The following DDX10 variants were observed in gnomAD, a reference collection of about 807,000 sequenced individuals.
The protein encoded by DDX10 is DEAD-box helicase 10.
In DDX10, 74 loss-of-function variants were observed where a neutral mutation model predicts 104.3. The ratio of observed to expected loss-of-function variants is 0.71; its 90% confidence interval spans 0.59 to 0.86. DDX10 has a LOEUF of 0.86. Ranked by LOEUF, DDX10 falls within the 40% of genes least tolerant of loss-of-function variation. The probability of loss-of-function intolerance (pLI) is 0.00; values close to 1 mark genes in which losing one functional copy is unlikely to be tolerated. For missense variants in DDX10, 952 were observed against 1,040.0 expected (o/e 0.92, Z 1.16); for synonymous variants, 351 against 353.4 (o/e 0.99, Z 0.08).
At chr11:108,820,700 G>T (rs1862315410) in intron 13 of DDX10, among the ~76,000 whole-genome samples, 1 of 152,160 alleles carries the variant, frequency 6.6e-6, no homozygotes, top group South Asian at 2.1e-4. Context: ...GTCAGAAGTT[G>T]AGCATGGTTT....
intron 13 of DDX10, among the ~76,000 whole-genome samples, chr11:108,750,949 T>A (rs1297440797): frequency 1.6e-5 from 2 of 125,414 alleles, no homozygotes; most frequent in Admixed American, 8.0e-5. Context: ...TTTTTTTTTT[T>A]TTTTTTTTTT....
Position 108,904,948 on chromosome 11 carries a change from A to G in DDX10, c.2305-12925A>G, listed in dbSNP as rs77618956. ...TCACCAGGCAGCTGAAACCTAAAAC[A>G]TGTTCAAGGCTTTCAGGGATGAATG... On this transcript the variant is annotated intron_variant, in intron 16 of 17. Coordinates refer to ENST00000322536, the MANE Select transcript of DDX10 (RefSeq NM_004398.4). 9.7e-3 allele frequency among the ~76,000 whole-genome samples: 1,472 copies of G among 152,290 alleles called. 18 individuals carry two copies. Among genetic ancestry groups the G allele is most frequent in the African/African-American group, 0.033 (1,378 of 41,560 alleles).
chr11:108,841,208 G>A, intron 14 of DDX10, 107 bp from the exon 15 acceptor site: 1 of 852,608 alleles, frequency 1.2e-6, no homozygotes, highest in South Asian at 1.8e-5. Flanking sequence ...TAGATTGTAA[G>A]GCAGAAAATG....
At chr11:108,709,841 C>T (rs758181605) in intron 10 of DDX10, among the ~76,000 whole-genome samples, 85 of 151,968 alleles carry the variant, frequency 5.6e-4, no homozygotes, top group Admixed American at 8.5e-4. Flanking sequence ...TTTTCTGTTT[C>T]CCAAGTTGGA....
chr11:108,831,195 A>G (rs573516026), intron 13 of DDX10, among the ~76,000 whole-genome samples: 2 of 152,154 alleles, frequency 1.3e-5, no homozygotes, highest in South Asian at 4.1e-4. Flanking sequence ...CACGAGGTCA[A>G]GAGATTGAGA....
chr11:108,920,414 A>G (rs1242689627), intron 17 of DDX10: 1 of 152,218 alleles, frequency 6.6e-6, no homozygotes, highest in Non-Finnish European at 1.5e-5. Context: ...GAAGAGGAGG[A>G]TATCAACAAG....
chr11:108,937,379 C>T (rs138527256), intron 17 of DDX10, among the ~76,000 whole-genome samples: 14 of 152,206 alleles, frequency 9.2e-5, no homozygotes, highest in African/African-American at 1.7e-4. Context: ...ATTAAAAAAT[C>T]GGTTCAATTT....
chr11:108,759,575 A>T (rs763324024), intron 13 of DDX10, among the ~76,000 whole-genome samples: 15 of 152,060 alleles, frequency 9.9e-5, no homozygotes, highest in Admixed American at 5.3e-4. Context: ...ATTGTCATTG[A>T]AATGCAAAAT....
intron 13 of DDX10, among the ~76,000 whole-genome samples, chr11:108,733,039 A>T (rs1038186704): frequency 1.3e-5 from 2 of 152,060 alleles, no homozygotes; most frequent in African/African-American, 4.8e-5. Context: ...TAAGATTTGA[A>T]TGATACCCAT....
At chr11:108,692,138 T>C in intron 8 of DDX10, 100 bp downstream of exon 8, 1 of 1,104,658 alleles carries the variant, frequency 9.1e-7, no homozygotes, top group Non-Finnish European at 1.3e-6. Context: ...ACACTTGGGT[T>C]TCTTTTCTTA....
intron 16 of DDX10, among the ~76,000 whole-genome samples, chr11:108,856,497 A>C (rs1244866917): frequency 6.6e-6 from 1 of 151,832 alleles, no homozygotes. Flanking sequence ...ACAAAAAAAA[A>C]ACCTTAAAAA....
chr11:108,753,718 T>C (rs1216699049), intron 13 of DDX10, among the ~76,000 whole-genome samples: 1 of 152,058 alleles, frequency 6.6e-6, no homozygotes, highest in Non-Finnish European at 1.5e-5. Context: ...TTGGACACAA[T>C]GGCAAATAAG....
At chr11:108,911,556 CTTTTTTTTTTTTTTTTTT>C (rs869132450) in intron 16 of DDX10, among the ~76,000 whole-genome samples, 5 of 63,760 alleles carry the variant, frequency 7.8e-5, no homozygotes, top group Admixed American at 2.1e-4. Flanking sequence ...GCCTCCTCTT[CTTTTTTTTTTTTTTTTTT>C]TTTTTTTTTT....
chr11:108,706,572 T>C (rs1417286162), intron 9 of DDX10, among the ~76,000 whole-genome samples, 167 bp from the exon 10 acceptor site: 1 of 152,154 alleles, frequency 6.6e-6, no homozygotes, highest in Admixed American at 6.5e-5. Flanking sequence ...ATGAAAATGA[T>C]ATGAGGTGTT....
intron 13 of DDX10, among the ~76,000 whole-genome samples, chr11:108,809,822 T>A (rs1862153854): frequency 6.6e-6 from 1 of 152,210 alleles, no homozygotes; most frequent in African/African-American, 2.4e-5. Context: ...AACAAATCTC[T>A]TTTGCATCTG....
At chr11:108,933,677 A>T (rs902957274) in intron 17 of DDX10, among the ~76,000 whole-genome samples, 1 of 152,094 alleles carries the variant, frequency 6.6e-6, no homozygotes, top group Non-Finnish European at 1.5e-5. Context: ...TGTGGCTTTG[A>T]TCTCTTCAAT....
At chr11:108,831,375 C>T (rs1862468330) in intron 13 of DDX10, among the ~76,000 whole-genome samples, 1 of 149,114 alleles carries the variant, frequency 6.7e-6, no homozygotes, top group Non-Finnish European at 1.5e-5. Flanking sequence ...CTGCACTCTT[C>T]CCTGGCGCCA....
intron 13 of DDX10, among the ~76,000 whole-genome samples, chr11:108,789,940 G>A (rs1483696090): frequency 3.3e-5 from 5 of 152,070 alleles, no homozygotes; most frequent in Middle Eastern, 3.2e-3. Flanking sequence ...CTGTAACTCC[G>A]AACCAATTAA....
At chr11:108,794,029 G>T (rs1861906388) in intron 13 of DDX10, among the ~76,000 whole-genome samples, 1 of 151,986 alleles carries the variant, frequency 6.6e-6, no homozygotes, top group African/African-American at 2.4e-5. Context: ...TGACTGAATA[G>T]TACTAATAAT....
Sources: gnomAD v4.1 joint callset for allele counts (sites outside exome capture counted in the v4.1 genomes callset) on GRCh38, gnomAD v4.1.1 for gene constraint, MANE v1.5 for transcripts, NCBI Gene and HGNC (gene_info 2026-07-23, HGNC 2026-07-21) for gene names.